Variants in SAE1 observed in about 807,000 individuals in gnomAD.
SAE1 encodes the protein SUMO1 activating enzyme subunit 1.
In SAE1, 11 loss-of-function variants were observed where a neutral mutation model predicts 40.6. The ratio of observed to expected loss-of-function variants is 0.27; its 90% confidence interval spans 0.17 to 0.45. The LOEUF (loss-of-function observed/expected upper bound fraction) is 0.45, where lower values mean the gene tolerates loss of function less well. SAE1 is among the 20% of genes least tolerant of loss of function. SAE1 has a pLI of 1.00. For synonymous variants in SAE1, 155 were observed against 154.3 expected (o/e 1.00, Z -0.03); for missense variants, 373 against 427.3 (o/e 0.87, Z 1.12).
intron 6 of SAE1, among the ~76,000 whole-genome samples, chr19:47,191,776 C>T (rs949945560): frequency 5.3e-5 from 8 of 151,952 alleles, no homozygotes; most frequent in African/African-American, 1.9e-4. Context: ...TGGGAATAGG[C>T]CGGGCGCGGT....
chr19:47,166,017 T>A (rs1600176164), intron 5 of SAE1, among the ~76,000 whole-genome samples: 2 of 152,194 alleles, frequency 1.3e-5, no homozygotes, highest in African/African-American at 2.4e-5. Context: ...CACCTGTGGC[T>A]TTCTTCCCTC....
chr19:47,143,435 T>TA, intron 1 of SAE1, 59 bp from the exon 2 acceptor site: 1 of 1,380,030 alleles, frequency 7.2e-7, no homozygotes, highest in Non-Finnish European at 1.0e-6. Context: ...TTTTTGTTCT[T>TA]CTGTGATTCT....
chr19:47,137,511 T>A (rs1288456223), intron 1 of SAE1, among the ~76,000 whole-genome samples: 1 of 152,160 alleles, frequency 6.6e-6, no homozygotes, highest in Non-Finnish European at 1.5e-5. Flanking sequence ...ACTAAAATTT[T>A]TTTTTCTCGC....
intron 6 of SAE1, among the ~76,000 whole-genome samples, chr19:47,173,240 G>A (rs978520523): frequency 2.6e-5 from 4 of 152,038 alleles, no homozygotes; most frequent in African/African-American, 7.2e-5. Context: ...CTCGTGAACC[G>A]CCTGCCTCGG....
chr19:47,206,290 C>A (rs1352027556), intron 8 of SAE1, among the ~76,000 whole-genome samples: 1 of 152,192 alleles, frequency 6.6e-6, no homozygotes, highest in East Asian at 1.9e-4. Context: ...CCCCATGTCA[C>A]CCCATGCCCT....
intron 7 of SAE1, among the ~76,000 whole-genome samples, chr19:47,201,240 G>A (rs963686413): frequency 6.6e-6 from 1 of 150,726 alleles, no homozygotes; most frequent in African/African-American, 2.4e-5. Flanking sequence ...GTAGAGATGG[G>A]GTTTCACCAT....
chr19:47,182,936 GAA>G (rs2058520209), intron 6 of SAE1, among the ~76,000 whole-genome samples: 2 of 151,836 alleles, frequency 1.3e-5, no homozygotes, highest in African/African-American at 4.8e-5. Context: ...CTGTTTTTTT[GAA>G]ACAGTCTCGT....
In SAE1 at chr19:47,178,306, C is replaced by T. The variant is rs573170159; in HGVS notation, c.733+8383C>T. Among the ~76,000 whole-genome samples the T allele has an allele frequency of 1.0e-3, 152 of 152,152 alleles. 1 individual carries two copies. The highest frequency in any genetic ancestry group is 3.5e-3 in the African/African-American group (146 of 41,526). On this transcript the variant is annotated intron_variant, in intron 6 of 8. Coordinates refer to ENST00000270225, the MANE Select transcript of SAE1 (RefSeq NM_005500.3). Reference sequence around the variant, plus strand: ...TCACTGAGGAAACCGTTGAAAAATGCGGAGTGCCTGCTTGTAGCTCACATT... The same window carrying T: ...TCACTGAGGAAACCGTTGAAAAATGTGGAGTGCCTGCTTGTAGCTCACATT...
chr19:47,207,574 C>T (rs1306931921), intron 8 of SAE1, among the ~76,000 whole-genome samples: 1 of 152,148 alleles, frequency 6.6e-6, no homozygotes, highest in Non-Finnish European at 1.5e-5. Flanking sequence ...GATGTATGTG[C>T]ATACAAGACT....
intron 2 of SAE1, among the ~76,000 whole-genome samples, chr19:47,146,714 G>A (rs140690494): frequency 2.6e-5 from 4 of 152,214 alleles, no homozygotes; most frequent in South Asian, 2.1e-4. Flanking sequence ...TTAGTGGTAC[G>A]GCCGGGACCC....
intron 6 of SAE1, among the ~76,000 whole-genome samples, chr19:47,181,141 A>AC (rs2058503547): frequency 6.6e-6 from 1 of 151,736 alleles, no homozygotes; most frequent in South Asian, 2.1e-4. Context: ...ACATGGAGAA[A>AC]CCCCATCTCT....
intron 2 of SAE1, among the ~76,000 whole-genome samples, chr19:47,149,202 G>C (rs1426966946): frequency 8.7e-6 from 1 of 115,588 alleles, no homozygotes; most frequent in Non-Finnish European, 1.7e-5. Flanking sequence ...ACGGAGTCTT[G>C]CTCTGTTGCC....
At chr19:47,133,916 G>A (rs2070172961) in intron 1 of SAE1, among the ~76,000 whole-genome samples, 1 of 150,446 alleles carries the variant, frequency 6.6e-6, no homozygotes, top group South Asian at 2.1e-4. Flanking sequence ...AGGCTGGAGT[G>A]CAGTGGCATG....
chr19:47,157,284 T>G (rs1409286643), intron 5 of SAE1, among the ~76,000 whole-genome samples: 1 of 152,166 alleles, frequency 6.6e-6, no homozygotes, highest in African/African-American at 2.4e-5. Flanking sequence ...CTTGGGTGCC[T>G]TTCTTTCTTT....
At position 47,167,020 on chromosome 19, in the gene SAE1, T is replaced by C. The variant is rs2058397810; in HGVS notation, c.628-2798T>C. On this transcript the variant is annotated intron_variant, in intron 5 of 8. Transcript: ENST00000270225. ...AGGCTGGAGTGTAGTGGTGTGACCT[T>C]GGCTCGCTGCAACCTCCACCTCCTG... is the stretch of plus-strand genomic sequence containing the variant. 2.0e-5 allele frequency among the ~76,000 whole-genome samples: 3 copies of C among 152,080 alleles called. No individual in the cohort carries two copies. In the South Asian group the frequency reaches 6.2e-4, roughly 32 times the overall value.
chr19:47,130,981 A>G lies in SAE1; in HGVS notation c.51A>G (p.Ala17=), dbSNP rs1230814527. The G allele has an allele frequency of 1.3e-6, 2 of 1,548,702 alleles. No homozygotes were observed. The highest frequency in any genetic ancestry group is 1.7e-6 in the Non-Finnish European group (2 of 1,146,012). ...AGGGISEEEA[A]QYDRQIRLWG... is the part of the protein sequence containing the mutation. ...GCGGCATTAGCGAGGAGGAGGCGGC[A>G]CAGTATGACCGGCAGATCCGCCTGT... The change falls in exon 1 of 9, where the codon GCA becomes GCG. Residue 17 remains alanine, a synonymous_variant. Coordinates refer to ENST00000270225, the MANE Select transcript of SAE1 (RefSeq NM_005500.3).
chr19:47,141,655 G>A (rs571784476), intron 1 of SAE1, among the ~76,000 whole-genome samples: 1 of 152,196 alleles, frequency 6.6e-6, no homozygotes, highest in East Asian at 1.9e-4. Context: ...GGGGAAAGGC[G>A]TAGGTAGGCA....
At chr19:47,180,813 T>A (rs534302227) in intron 6 of SAE1, among the ~76,000 whole-genome samples, 24 of 152,014 alleles carry the variant, frequency 1.6e-4, no homozygotes, top group African/African-American at 5.3e-4. Context: ...CAAGACTTTG[T>A]CTCCCCCGAA....
At chr19:47,154,480 CTTTTTTTTTTTT>C (rs57870733) in intron 4 of SAE1, among the ~76,000 whole-genome samples, 49 of 51,610 alleles carry the variant, frequency 9.5e-4, no homozygotes, top group East Asian at 6.5e-3. Context: ...TTAAGTTTGG[CTTTTTTTTTTTT>C]TTTTTTTTTT....
Sources: gnomAD v4.1 joint callset for allele counts (sites outside exome capture counted in the v4.1 genomes callset) on GRCh38, gnomAD v4.1.1 for gene constraint, MANE v1.5 for transcripts, NCBI Gene and HGNC (gene_info 2026-07-23, HGNC 2026-07-21) for gene names.